Variants in TGM2 observed in about 807,000 individuals in gnomAD.
TGM2 encodes the protein transglutaminase 2.
TGM2 carries 53 observed loss-of-function variants against 75.6 expected under a neutral mutation model. The observed-to-expected ratio is 0.70, with a 90% CI of 0.56 to 0.88. The LOEUF (loss-of-function observed/expected upper bound fraction) is 0.88, where lower values mean the gene tolerates loss of function less well. TGM2 is among the 40% of genes least tolerant of loss of function. The pLI is 0.00. For missense variants in TGM2, 842 were observed against 928.5 expected, an observed-to-expected ratio of 0.91 and a Z score of 1.21; for synonymous variants, 374 against 381.1, an observed-to-expected ratio of 0.98 and a Z score of 0.22.
rs543876591 is a variant in TGM2, at chr20:38,129,091, C to T, written c.*1128G>A. 2.0e-5 allele frequency: 3 copies of T among 152,620 alleles called. No individual in the cohort carries two copies. In the East Asian group the frequency reaches 5.8e-4, roughly 29 times the overall value. The allele number at this position is 152,620 out of a possible 1,614,324, so 9.5% of individuals were successfully genotyped here. On this transcript the variant is annotated 3_prime_UTR_variant, in exon 13 of 13. Coordinates refer to ENST00000361475, the MANE Select transcript of TGM2 (RefSeq NM_004613.4). ...GTCATGGTTTCACTCTCAGAAATAT[C>T]CTGGGCCTATGGCTTAAGGCTTCGT...
At chr20:38,135,119 C>A (rs182414942) in intron 10 of TGM2, among the ~76,000 whole-genome samples, 10 of 152,200 alleles carry the variant, frequency 6.6e-5, no homozygotes, top group Non-Finnish European at 1.3e-4. Context: ...GATGCCAGTG[C>A]GGAACAATGC....
At chr20:38,132,534 G>A (rs2074847716) in intron 10 of TGM2, 34 bp from the exon 11 acceptor site, 3 of 1,613,148 alleles carry the variant, frequency 1.9e-6, no homozygotes, top group Non-Finnish European at 2.5e-6. Flanking sequence ...TGCTCATGAT[G>A]CAGAATCACC....
At chr20:38,166,341 A>AGGCCTTCTCT (rs1438411351), upstream of TGM2, 2 of 64,002 alleles carry the variant, frequency 3.1e-5, no homozygotes. Flanking sequence ...CCCTCCCTCA[A>AGGCCTTCTCT]TCCATCCATC....
Position 38,156,068 on chromosome 20 carries a change from G to A in TGM2, c.212C>T (p.Ala71Val), listed in dbSNP as rs2075183133. The change falls in exon 3 of 13, where the codon GCC becomes GTC. Residue 71 changes from alanine to valine, a missense_variant. Transcript: ENST00000361475. ...TAGTGGAAAACGGGCCTTGGTCCCG[G>A]CCTCCTGGCTAGGGGCTGGGCCTGT... ...VVTGPAPSQEAGTKARFPLRD... is the reference protein window; with the variant it reads ...VVTGPAPSQEVGTKARFPLRD... The A allele has an allele frequency of 6.2e-7, 1 of 1,613,320 alleles. No individual in the cohort carries two copies. The highest frequency in any genetic ancestry group is 1.3e-5 in the African/African-American group (1 of 74,934).
rs111420640 is a variant in TGM2, at chr20:38,135,404, T to TACACACACAC, written c.1615+2699_1615+2708dup. ...ACCGCACTTGGACCTCCTAAATGTA[T>TACACACACAC]ACACACACACACACACACACACACA... On this transcript the variant is annotated intron_variant, in intron 10 of 12. Coordinates refer to ENST00000361475, the MANE Select transcript of TGM2 (RefSeq NM_004613.4). Among the ~76,000 whole-genome samples the TACACACACAC allele has an allele frequency of 6.5e-3, 963 of 147,416 alleles. 3 individuals carry two copies. Among genetic ancestry groups the TACACACACAC allele is most frequent in the Middle Eastern group, 0.028 (8 of 282 alleles).
At chr20:38,157,447 T>G (rs2075201836) in intron 2 of TGM2, among the ~76,000 whole-genome samples, 1 of 152,210 alleles carries the variant, frequency 6.6e-6, no homozygotes, top group Admixed American at 6.5e-5. Context: ...CCCTGAGCAC[T>G]GTGTGACCTG....
At chr20:38,150,079 G>A (rs187171111) in intron 4 of TGM2, among the ~76,000 whole-genome samples, 13 of 152,320 alleles carry the variant, frequency 8.5e-5, no homozygotes, top group African/African-American at 2.4e-4. Context: ...AGGAGGTTGA[G>A]GGGCCAGGGG....
At chr20:38,157,657 GC>G (rs774802541) in intron 2 of TGM2, among the ~76,000 whole-genome samples, 60 of 152,202 alleles carry the variant, frequency 3.9e-4, no homozygotes, top group Non-Finnish European at 6.6e-4. Context: ...TTGTTGTGAA[GC>G]TTAAAGAGGA....
At chr20:38,156,375 G>C (rs1001666951) in intron 2 of TGM2, among the ~76,000 whole-genome samples, 3 of 152,278 alleles carry the variant, frequency 2.0e-5, no homozygotes, top group Non-Finnish European at 4.4e-5. Context: ...ATGTGGCCCA[G>C]AGCCAAGGCT....
At chr20:38,130,710 A>T (rs764899735) in intron 12 of TGM2, among the ~76,000 whole-genome samples, 2 of 151,350 alleles carry the variant, frequency 1.3e-5, no homozygotes, top group African/African-American at 2.5e-5. Context: ...GTAAAAAAGA[A>T]GTGTGTGCTC....
At chr20:38,165,126 C>G in intron 1 of TGM2, 63 bp downstream of exon 1, 1 of 1,612,674 alleles carries the variant, frequency 6.2e-7, no homozygotes, top group Non-Finnish European at 8.5e-7. Flanking sequence ...CAGCTCCCAC[C>G]GGGTCCTGAC....
In TGM2 at chr20:38,130,730, T is replaced by C. The variant is rs1311107887; in HGVS notation, c.1914-361A>G. Among the ~76,000 whole-genome samples, 8 of 152,350 alleles carry C rather than the reference T, an allele frequency of 5.3e-5. No individual in the cohort carries two copies. In the East Asian group the frequency reaches 1.3e-3, roughly 26 times the overall value. ...AAAGAAGTGTGTGCTCGTATGTATG[T>C]GTGCAGCTACGTATCTATGTGGAAA... On this transcript the variant is annotated intron_variant, in intron 12 of 12. Transcript: ENST00000361475.
intron 4 of TGM2, among the ~76,000 whole-genome samples, chr20:38,149,043 T>G (rs2075081253): frequency 6.6e-6 from 1 of 152,200 alleles, no homozygotes. Context: ...AACTGGACAC[T>G]GCTGGCTTCT....
At chr20:38,164,278 T>G (rs2075286983) in intron 1 of TGM2, among the ~76,000 whole-genome samples, 1 of 152,192 alleles carries the variant, frequency 6.6e-6, no homozygotes, top group Non-Finnish European at 1.5e-5. Flanking sequence ...CTGCCCCATG[T>G]CCCTGTCCCA....
At chr20:38,143,410 T>A (rs558506303) in intron 6 of TGM2, among the ~76,000 whole-genome samples, 1 of 152,248 alleles carries the variant, frequency 6.6e-6, no homozygotes, top group African/African-American at 2.4e-5. Flanking sequence ...TATAAATAGG[T>A]CGCAGCACAG....
Position 38,161,598 on chromosome 20 carries a change from C to G in TGM2, c.12G>C (p.Glu4Asp). 1.2e-6 allele frequency: 2 copies of G among 1,614,178 alleles called. No homozygotes were observed. Among genetic ancestry groups the G allele is most frequent in the Non-Finnish European group, 1.7e-6 (2 of 1,180,022 alleles). Reference sequence around the variant, plus strand: ...CCAGATCACACCTCTCTAAGACCAGCTCTATGGAAACAGAAGGAGACGCAT... The same window carrying G: ...CCAGATCACACCTCTCTAAGACCAGGTCTATGGAAACAGAAGGAGACGCAT... MAE[E>D]LVLERCDLEL... Residue 4 changes from glutamate to aspartate, a missense_variant and splice_region_variant, in exon 2 of 13, where the codon GAG (glutamate) becomes GAC (aspartate). Physicochemically the swap from Glu to Asp is conservative, Grantham distance 45. Transcript: ENST00000361475.
chr20:38,147,818 T>C, intron 5 of TGM2, 143 bp downstream of exon 5: 1 of 1,229,732 alleles, frequency 8.1e-7, no homozygotes, highest in Non-Finnish European at 1.1e-6. Context: ...AAATCTTATC[T>C]TTCCAATATA....
chr20:38,155,758 C>T, intron 3 of TGM2, 89 bp downstream of exon 3: 1 of 1,502,378 alleles, frequency 6.7e-7, no homozygotes, highest in Non-Finnish European at 8.9e-7. Flanking sequence ...GTCTCTTATC[C>T]CCTGTTCTTC....
At chr20:38,142,312 G>A (rs2074985983) in intron 6 of TGM2, 113 bp from the exon 7 acceptor site, 3 of 1,522,152 alleles carry the variant, frequency 2.0e-6, no homozygotes, top group Non-Finnish European at 1.8e-6. Context: ...TCCAAGTGCT[G>A]AGAACATGAG....
Sources: gnomAD v4.1 joint callset for allele counts (sites outside exome capture counted in the v4.1 genomes callset) on GRCh38, gnomAD v4.1.1 for gene constraint, MANE v1.5 for transcripts, NCBI Gene and HGNC (gene_info 2026-07-23, HGNC 2026-07-21) for gene names.